Variants in ERBB4 observed in about 807,000 individuals in gnomAD.
ERBB4 encodes the protein erb-b2 receptor tyrosine kinase 4, also known as receptor tyrosine-protein kinase erbB-4.
In ERBB4, 42 loss-of-function variants were observed where a neutral mutation model predicts 158.0. The ratio of observed to expected loss-of-function variants is 0.27; its 90% confidence interval spans 0.21 to 0.34. The LOEUF is 0.34. Among genes scored for constraint, ERBB4 ranks in the 10% least tolerant of loss-of-function variants. The pLI is 1.00. For missense variants in ERBB4, 1,333 were observed against 1,624.1 expected, an observed-to-expected ratio of 0.82 and a Z score of 3.08; for synonymous variants, 583 against 558.7, an observed-to-expected ratio of 1.04 and a Z score of -0.61.
At chr2:211,708,447 CAA>C (rs372330075) in intron 9 of ERBB4, among the ~76,000 whole-genome samples, 88 of 152,062 alleles carry the variant, frequency 5.8e-4, no homozygotes, top group African/African-American at 2.0e-3. Context: ...ATTTGGTTTC[CAA>C]AAGAGTCTAT....
intron 1 of ERBB4, among the ~76,000 whole-genome samples, chr2:212,139,740 A>T (rs1206495225): frequency 6.6e-6 from 1 of 151,990 alleles, no homozygotes; most frequent in Non-Finnish European, 1.5e-5. Flanking sequence ...ATTTCAAACT[A>T]AATCACTTAC....
chr2:211,742,229 C>G (rs1157168952), intron 5 of ERBB4, among the ~76,000 whole-genome samples: 4 of 152,152 alleles, frequency 2.6e-5, no homozygotes, highest in Non-Finnish European at 5.9e-5. Flanking sequence ...TTTACCACAT[C>G]GGCACCTTCT....
rs71054136 is a variant in ERBB4 at position 211,721,443 on chromosome 2, C to CAAAAAAAAAAAAAAAAA, written c.883+933_883+949dup. On this transcript the variant is annotated intron_variant, in intron 7 of 27. Coordinates refer to ENST00000342788, the MANE Select transcript of ERBB4 (RefSeq NM_005235.3). The stretch of plus-strand genomic sequence containing the variant: ...GAAATGTCCCATTGGTTACTCAAAG[C>CAAAAAAAAAAAAAAAAA]AAAAAAAAAAAAAAAAAAAAAATAG... Among the ~76,000 whole-genome samples the CAAAAAAAAAAAAAAAAA allele has an allele frequency of 4.3e-3, 237 of 54,484 alleles. 46 individuals are homozygous for CAAAAAAAAAAAAAAAAA. Among genetic ancestry groups the CAAAAAAAAAAAAAAAAA allele is most frequent in the African/African-American group, 6.3e-3 (66 of 10,532 alleles). The allele number at this position is 54,484 out of a possible 152,430, so 35.7% of individuals were successfully genotyped here.
At chr2:212,091,699 T>C (rs563219037) in intron 2 of ERBB4, among the ~76,000 whole-genome samples, 6 of 152,236 alleles carry the variant, frequency 3.9e-5, no homozygotes, top group Non-Finnish European at 7.4e-5. Context: ...GAAACAAACA[T>C]TGAAAAAAAA....
intron 3 of ERBB4, among the ~76,000 whole-genome samples, chr2:211,801,146 A>C (rs936891223): frequency 1.3e-5 from 2 of 152,216 alleles, no homozygotes; most frequent in Non-Finnish European, 2.9e-5. Context: ...GCAAAAGTGC[A>C]AAATATTTAC....
At chr2:211,672,923 A>G (rs1185404334) in intron 14 of ERBB4, among the ~76,000 whole-genome samples, 1 of 152,198 alleles carries the variant, frequency 6.6e-6, no homozygotes, top group Non-Finnish European at 1.5e-5. Flanking sequence ...GGACTACTCT[A>G]TATCTTATAA....
At chr2:211,530,739 A>T (rs1474263979) in intron 20 of ERBB4, among the ~76,000 whole-genome samples, 1 of 151,922 alleles carries the variant, frequency 6.6e-6, no homozygotes, top group Non-Finnish European at 1.5e-5. Context: ...AATAGAAAAA[A>T]ATTGGCCAGG....
chr2:212,146,433 C>G (rs563250162), intron 1 of ERBB4, among the ~76,000 whole-genome samples: 2 of 152,306 alleles, frequency 1.3e-5, no homozygotes, highest in Non-Finnish European at 2.9e-5. Flanking sequence ...TGGTGCTAAG[C>G]TAGTAGAAAA....
At chr2:211,547,130 A>C (rs2125694533) in intron 20 of ERBB4, among the ~76,000 whole-genome samples, 1 of 152,242 alleles carries the variant, frequency 6.6e-6, no homozygotes, top group Middle Eastern at 3.4e-3. Context: ...TCCTGACTGT[A>C]ATACTGCACT....
rs147342143 is a variant in ERBB4 at position 212,499,996 on chromosome 2, CAT to C, written c.82+38451_82+38452del. On this transcript the variant is annotated intron_variant, in intron 1 of 27. Transcript: ENST00000342788. The stretch of plus-strand genomic sequence containing the variant: ...TGAGATGACACCATACATTAACACA[CAT>C]GTTAAATACAAAACATGTTGAACAC... 5.0e-4 allele frequency among the ~76,000 whole-genome samples: 76 copies of C among 152,226 alleles called. 1 individual carries two copies. The highest frequency in any genetic ancestry group is 1.7e-3 in the African/African-American group (69 of 41,572).
At chr2:211,613,136 T>C (rs1004669375) in intron 19 of ERBB4, among the ~76,000 whole-genome samples, 2 of 151,986 alleles carry the variant, frequency 1.3e-5, no homozygotes, top group African/African-American at 4.8e-5. Context: ...AACTTGGTAG[T>C]CTAGTGAGAT....
At chr2:212,011,607 A>G (rs2125306829) in intron 2 of ERBB4, among the ~76,000 whole-genome samples, 1 of 152,142 alleles carries the variant, frequency 6.6e-6, no homozygotes, top group East Asian at 1.9e-4. Flanking sequence ...AAAATTAGCC[A>G]GGTTTGGTGG....
intron 3 of ERBB4, among the ~76,000 whole-genome samples, chr2:211,816,028 T>G (rs2105928360): frequency 6.6e-6 from 1 of 152,116 alleles, no homozygotes; most frequent in East Asian, 1.9e-4. Flanking sequence ...TTTTGAGGCT[T>G]TCTGACTCGG....
intron 12 of ERBB4, among the ~76,000 whole-genome samples, chr2:211,691,568 A>ATGTGTG (rs61091828): frequency 0.27 from 37,711 of 138,368 alleles, 5,409 homozygotes; most frequent in Middle Eastern, 0.44. Flanking sequence ...ATAGAAACAT[A>ATGTGTG]TGTGTGTGTG....
intron 3 of ERBB4, among the ~76,000 whole-genome samples, chr2:211,931,633 A>C (rs2080179862): frequency 6.6e-6 from 1 of 152,008 alleles, no homozygotes; most frequent in Non-Finnish European, 1.5e-5. Flanking sequence ...AGAAAAAAAA[A>C]CTAAGAAAAT....
intron 6 of ERBB4, 126 bp from the exon 7 acceptor site, chr2:211,722,660 T>A: frequency 1.9e-6 from 2 of 1,063,112 alleles, no homozygotes; most frequent in Non-Finnish European, 2.8e-6. Context: ...TTTGATAATT[T>A]AAGAGTCATG....
chr2:212,498,987 T>C (rs1480644021), intron 1 of ERBB4, among the ~76,000 whole-genome samples: 1 of 151,896 alleles, frequency 6.6e-6, no homozygotes, highest in Non-Finnish European at 1.5e-5. Flanking sequence ...CACAGCAGGG[T>C]CATGGCAACA....
At chr2:212,464,341 GGTAA>G (rs1688721371) in intron 1 of ERBB4, among the ~76,000 whole-genome samples, 2 of 151,880 alleles carry the variant, frequency 1.3e-5, no homozygotes, top group Non-Finnish European at 1.5e-5. Context: ...CTTTTTTATG[GGTAA>G]GTAAATATTT....
chr2:212,448,703 G>T (rs73079470), intron 1 of ERBB4, among the ~76,000 whole-genome samples: 20,427 of 152,026 alleles, frequency 0.13, 2,921 homozygotes, highest in African/African-American at 0.36. Flanking sequence ...GCTTAAAACC[G>T]CAGAAATCAT....
Sources: allele counts gnomAD v4.1 joint callset (sites outside exome capture counted in the v4.1 genomes callset), GRCh38; gene constraint gnomAD v4.1.1; transcripts MANE v1.5; gene names NCBI Gene and HGNC (gene_info 2026-07-23, HGNC 2026-07-21).